Variants in TBC1D5 observed in about 807,000 individuals in gnomAD.
TBC1D5 encodes the protein TBC1 domain family, member 5.
In TBC1D5, 75 loss-of-function variants were observed where a neutral mutation model predicts 100.3. That is an observed-to-expected ratio of 0.75 (90% CI 0.62 to 0.91). The LOEUF is 0.91. TBC1D5 is among the 40% of genes least tolerant of loss of function. The probability of loss-of-function intolerance (pLI) is 0.00; values close to 1 mark genes in which losing one functional copy is unlikely to be tolerated. For missense variants in TBC1D5, 910 were observed against 942.4 expected, an observed-to-expected ratio of 0.97 and a Z score of 0.45; for synonymous variants, 323 against 325.6, an observed-to-expected ratio of 0.99 and a Z score of 0.09.
At position 17,578,507 on chromosome 3, in the gene TBC1D5, G is replaced by A. The variant is rs565192405; in HGVS notation, c.-36+45342C>T. Among the ~76,000 whole-genome samples the A allele has an allele frequency of 4.6e-5, 7 of 152,034 alleles. No homozygotes were observed. The South Asian group carries it at 1.2e-3, about 27-fold the overall frequency. ...TACTGGTACACAATTCCCTTTAATC[G>A]GTGACTTCAATGGGAAATTAGATTA... On this transcript the variant is annotated intron_variant, in intron 2 of 21. Coordinates refer to ENST00000253692, the Ensembl canonical transcript of TBC1D5.
chr3:17,501,248 A>G (rs1230856523), intron 3 of TBC1D5, among the ~76,000 whole-genome samples: 5 of 149,308 alleles, frequency 3.3e-5, no homozygotes, highest in Non-Finnish European at 7.4e-5. Flanking sequence ...AAATCATTAT[A>G]GATCCAAATT....
chr3:17,423,030 A>C (rs1005258532), intron 4 of TBC1D5, among the ~76,000 whole-genome samples: 1 of 152,142 alleles, frequency 6.6e-6, no homozygotes, highest in African/African-American at 2.4e-5. Context: ...ATTTTTTAAA[A>C]ACTTTTTACC....
intron 17 of TBC1D5, among the ~76,000 whole-genome samples, chr3:17,237,531 C>CAAA (rs1263582860): frequency 1.3e-5 from 2 of 152,184 alleles, no homozygotes; most frequent in Non-Finnish European, 2.9e-5. Context: ...AATGTGCTAC[C>CAAA]AACAGCAGTG....
chr3:17,185,325 CA>C (rs1301702193), intron 18 of TBC1D5, 117 bp from the exon 20 acceptor site: 1 of 718,106 alleles, frequency 1.4e-6, no homozygotes, highest in Non-Finnish European at 2.1e-6. Context: ...TAAACCTAGA[CA>C]AATCTAAATA....
chr3:17,396,625 C>T (rs951900517), intron 8 of TBC1D5, among the ~76,000 whole-genome samples: 3 of 151,696 alleles, frequency 2.0e-5, no homozygotes, highest in Non-Finnish European at 2.9e-5. Flanking sequence ...AAATAACTTT[C>T]GAATATGCTT....
chr3:17,558,325 A>G (rs1458777323), intron 2 of TBC1D5, among the ~76,000 whole-genome samples: 2 of 152,234 alleles, frequency 1.3e-5, no homozygotes, highest in Non-Finnish European at 2.9e-5. Context: ...ATATAAAATT[A>G]TCACCTTAAA....
intron 13 of TBC1D5, among the ~76,000 whole-genome samples, chr3:17,324,619 C>T (rs1460835775): frequency 2.0e-5 from 3 of 151,786 alleles, no homozygotes; most frequent in Admixed American, 1.3e-4. Context: ...ACTCTATCCT[C>T]GACAACAGAG....
intron 3 of TBC1D5, among the ~76,000 whole-genome samples, chr3:17,457,619 G>T (rs2095117628): frequency 6.6e-6 from 1 of 152,030 alleles, no homozygotes; most frequent in Non-Finnish European, 1.5e-5. Flanking sequence ...AGTTATTTAA[G>T]AATACTTATG....
At chr3:17,699,234 T>C (rs2072714335) in intron 1 of TBC1D5, among the ~76,000 whole-genome samples, 1 of 131,086 alleles carries the variant, frequency 7.6e-6, no homozygotes, top group African/African-American at 2.8e-5. Flanking sequence ...TGAGTTCATG[T>C]CCTTTGTAGG....
chr3:17,257,291 A>G (rs2077801191), intron 16 of TBC1D5, among the ~76,000 whole-genome samples: 1 of 152,218 alleles, frequency 6.6e-6, no homozygotes, highest in South Asian at 2.1e-4. Flanking sequence ...ATCTGACATA[A>G]TGGGAAGAAA....
chr3:17,693,439 CTGGCTCGG>C (rs2071479212), intron 1 of TBC1D5, among the ~76,000 whole-genome samples: 1 of 152,242 alleles, frequency 6.6e-6, no homozygotes, highest in African/African-American at 2.4e-5. Context: ...TCTCCTGTGC[CTGGCTCGG>C]TGGTTCCCAC....
chr3:17,458,211 T>TA (rs1025416550), intron 3 of TBC1D5, among the ~76,000 whole-genome samples: 1 of 152,202 alleles, frequency 6.6e-6, no homozygotes, highest in Non-Finnish European at 1.5e-5. Context: ...GTATAGTTTT[T>TA]ATCACTGTAG....
chr3:17,397,984 G>A (rs979524897), intron 8 of TBC1D5, among the ~76,000 whole-genome samples: 5 of 152,110 alleles, frequency 3.3e-5, no homozygotes, highest in Admixed American at 1.3e-4. Flanking sequence ...TGATGTTATA[G>A]ATGCTGCATA....
intron 2 of TBC1D5, among the ~76,000 whole-genome samples, chr3:17,600,349 A>G (rs1377815477): frequency 6.6e-6 from 1 of 152,218 alleles, no homozygotes; most frequent in Non-Finnish European, 1.5e-5. Context: ...ATATACATGA[A>G]GGTCACATGT....
chr3:17,231,338 C>T (rs529910711), intron 17 of TBC1D5, among the ~76,000 whole-genome samples: 14 of 152,012 alleles, frequency 9.2e-5, no homozygotes, highest in Middle Eastern at 3.4e-3. Flanking sequence ...TTGCAACCTA[C>T]ACTGCAAGAT....
chr3:17,376,550 G>A (rs2092716942), exon 10 of TBC1D5: 3 of 1,613,066 alleles, frequency 1.9e-6, no homozygotes, highest in Non-Finnish European at 2.5e-6. Context: ...TCACTGGCAT[G>A]TAGAAAAGCT....
At chr3:17,329,199 C>T (rs1450496995) in intron 13 of TBC1D5, among the ~76,000 whole-genome samples, 9 of 152,122 alleles carry the variant, frequency 5.9e-5, no homozygotes, top group Admixed American at 2.0e-4. Flanking sequence ...TTGTAATATC[C>T]GTGGTGATAA....
At chr3:17,542,937 C>A (rs117757511) in intron 2 of TBC1D5, among the ~76,000 whole-genome samples, 1 of 152,114 alleles carries the variant, frequency 6.6e-6, no homozygotes, top group Non-Finnish European at 1.5e-5. Flanking sequence ...TTATTAGGAA[C>A]GTTTTTCTTG....
chr3:17,170,127 G>A (rs2067028858), intron 19 of TBC1D5, among the ~76,000 whole-genome samples: 1 of 152,228 alleles, frequency 6.6e-6, no homozygotes, highest in African/African-American at 2.4e-5. Flanking sequence ...CTGTTTTAGA[G>A]GATTGAGAAA....
Sources: gnomAD v4.1 joint callset for allele counts (sites outside exome capture counted in the v4.1 genomes callset) on GRCh38, gnomAD v4.1.1 for gene constraint, MANE v1.5 for transcripts, NCBI Gene and HGNC (gene_info 2026-07-23, HGNC 2026-07-21) for gene names.